Variants in TKFC observed in about 807,000 individuals in gnomAD.
TKFC encodes the protein triokinase and FMN cyclase.
Under a neutral mutation model 61.0 loss-of-function variants are expected in TKFC, and 46 were observed. The ratio of observed to expected loss-of-function variants is 0.75; its 90% CI spans 0.60 to 0.96. The LOEUF is 0.96. TKFC is among the 50% of genes least tolerant of loss of function. The probability of loss-of-function intolerance (pLI) is 0.00; values close to 1 mark genes in which losing one functional copy is unlikely to be tolerated. For synonymous variants in TKFC, 314 were observed against 330.1 expected (o/e 0.95, Z 0.53); for missense variants, 715 against 777.5 (o/e 0.92, Z 0.96).
In TKFC at chr11:61,347,538, CAAAAAAAAA is replaced by C. The variant is rs10594002; in HGVS notation, c.*1049_*1057del. Reference sequence around the variant, plus strand: ...TGGGCAACAAAGCGAGACCCTGTCTCAAAAAAAAAAAAAAAAAAAAAAGAAACTGCAGCC... The same window carrying C: ...TGGGCAACAAAGCGAGACCCTGTCTCAAAAAAAAAAAAAGAAACTGCAGCC... On this transcript the variant is annotated 3_prime_UTR_variant, in exon 18 of 18. Coordinates refer to ENST00000394900, the MANE Select transcript of TKFC (RefSeq NM_015533.4). 9.3e-3 allele frequency: 6,757 copies of C among 724,596 alleles called. No individual in the cohort carries two copies. Among genetic ancestry groups the C allele is most frequent in the Non-Finnish European group, 0.011 (6,278 of 596,332 alleles). 44.9% of individuals were successfully genotyped at this position (724,596 alleles called of 1,614,324 possible). A position where few individuals can be genotyped will look rare whatever the true frequency, so the allele number is the denominator to read the frequency against.
chr11:61,352,694 C>T (rs1042519251), downstream of TKFC: 2 of 751,660 alleles, frequency 2.7e-6, no homozygotes, highest in African/African-American at 3.7e-5. Flanking sequence ...GCAATGACAA[C>T]AATACCAATC....
chr11:61,343,165 G>T, intron 10 of TKFC, 177 bp from the exon 11 acceptor site: 2 of 643,508 alleles, frequency 3.1e-6, no homozygotes, highest in Non-Finnish European at 5.4e-6. Flanking sequence ...CGACGTAGGG[G>T]ACACCTCCAG....
chr11:61,339,535 A>C, intron 5 of TKFC, 100 bp downstream of exon 5: 1 of 1,349,918 alleles, frequency 7.4e-7, no homozygotes, highest in East Asian at 2.4e-5. Flanking sequence ...TTCCCCAAGA[A>C]GCTAGTTCTT....
Position 61,344,127 on chromosome 11 carries a change from C to T in TKFC, c.1103-9C>T, listed in dbSNP as rs757190558. The T allele has an allele frequency of 6.2e-7, 1 of 1,611,860 alleles. No individual in the cohort carries two copies. The highest frequency in any genetic ancestry group is 8.5e-7 in the Non-Finnish European group (1 of 1,179,886). On this transcript the variant is annotated splice_polypyrimidine_tract_variant and intron_variant, in intron 12 of 17. Transcript: ENST00000394900. ...GGTGGGCCTGTTCTTCAGCATCCTC[C>T]CTTTCTAGGCTCAGCCTCGAAGCGG...
intron 2 of TKFC, among the ~76,000 whole-genome samples, chr11:61,337,318 A>G (rs1856649347): frequency 6.6e-6 from 1 of 151,966 alleles, no homozygotes. Flanking sequence ...ATCATTTTTC[A>G]TATTTTTTGT....
chr11:61,348,076 C>T lies in TKFC; in HGVS notation c.*1573C>T. The T allele has an allele frequency of 1.0e-6, 1 of 985,444 alleles. No individual in the cohort carries two copies. Among genetic ancestry groups the T allele is most frequent in the Non-Finnish European group, 1.2e-6 (1 of 829,942 alleles). 61.0% of individuals were successfully genotyped at this position (985,444 alleles called of 1,614,324 possible). On this transcript the variant is annotated 3_prime_UTR_variant, in exon 18 of 18. Transcript: ENST00000394900. ...CCCAGGGTCCTGTCTGTCGGCTGCA[C>T]CATACGTCCCTGACCACAAGGCATC...
chr11:61,342,752 C>G lies in TKFC; in HGVS notation c.776-3C>G, dbSNP rs769172084. 2 of 1,614,052 alleles carry G rather than the reference C, an allele frequency of 1.2e-6. No individual in the cohort carries two copies. Among genetic ancestry groups the G allele is most frequent in the Non-Finnish European group, 1.7e-6 (2 of 1,180,026 alleles). On this transcript the variant is annotated splice_region_variant and splice_polypyrimidine_tract_variant and intron_variant, in intron 9 of 17. Transcript: ENST00000394900. ...TCACCTGGGGTGTCATGTCTACCCG[C>G]AGGCTCCTCAGTTGTGATGATGGTC...
chr11:61,342,267 A>T (rs866179283), intron 7 of TKFC, 194 bp from the exon 8 acceptor site: 2 of 706,994 alleles, frequency 2.8e-6, no homozygotes, highest in Non-Finnish European at 4.9e-6. Context: ...AACTATCTCT[A>T]GTTAAAGCTA....
Position 61,346,226 on chromosome 11 carries a change from G to A in TKFC, c.1576-125G>A. 1 of 1,551,868 alleles carries A rather than the reference G, an allele frequency of 6.4e-7. No individual in the cohort carries two copies. Among genetic ancestry groups the A allele is most frequent in the Non-Finnish European group, 8.7e-7 (1 of 1,155,520 alleles). The stretch of plus-strand genomic sequence containing the variant: ...TTTCCATTTGGTGACAGAGCAGAGG[G>A]TGCTGGCAGAGCCAGGGCAAGGGCG... On this transcript the variant is annotated intron_variant, in intron 17 of 17. Coordinates refer to ENST00000394900, the MANE Select transcript of TKFC (RefSeq NM_015533.4). The surrounding 1 kb of genome is among the most constrained non-coding windows in gnomAD (Gnocchi z 4.1).
downstream of TKFC, chr11:61,351,277 A>G: frequency 1.6e-6 from 1 of 607,766 alleles, no homozygotes; most frequent in Non-Finnish European, 2.3e-6. Context: ...GAATTTTAAC[A>G]CCCTTTCTTT....
Position 61,346,734 on chromosome 11 carries a change from G to A in TKFC, c.*231G>A. 1 of 1,313,446 alleles carries A rather than the reference G, an allele frequency of 7.6e-7. No homozygotes were observed. The highest frequency in any genetic ancestry group is 1.5e-5 in the African/African-American group (1 of 67,676). The allele number at this position is 1,313,446 out of a possible 1,614,324, so 81.4% of individuals were successfully genotyped here. Reference sequence around the variant, plus strand: ...CAGCATGCCCTTTCCCTTTGCAGGAGGGTGGAGTCCCTGGGTCATGCCCTC... The same window carrying A: ...CAGCATGCCCTTTCCCTTTGCAGGAAGGTGGAGTCCCTGGGTCATGCCCTC... On this transcript the variant is annotated 3_prime_UTR_variant, in exon 18 of 18. Transcript: ENST00000394900. The surrounding 1 kb of genome is among the most constrained non-coding windows in gnomAD (Gnocchi z 4.1).
downstream of TKFC, chr11:61,352,785 C>G: frequency 7.0e-7 from 1 of 1,432,282 alleles, no homozygotes; most frequent in South Asian, 1.5e-5. Flanking sequence ...GGTGCTAAAT[C>G]AAACTGATGC....
downstream of TKFC, chr11:61,350,300 C>T (rs1012087347): frequency 2.4e-5 from 35 of 1,473,132 alleles, no homozygotes; most frequent in African/African-American, 2.0e-4. Flanking sequence ...GGAAGAAAGT[C>T]GCCTGCTGAA....
At chr11:61,345,014 C>T (rs1463047278) in intron 13 of TKFC, among the ~76,000 whole-genome samples, 1 of 152,188 alleles carries the variant, frequency 6.6e-6, no homozygotes. Context: ...GAGAAAAAAA[C>T]CAAGCCAGGG....
chr11:61,346,791 A>G lies in TKFC; in HGVS notation c.*288A>G. 1 of 1,184,930 alleles carries G rather than the reference A, an allele frequency of 8.4e-7. No homozygotes were observed. The highest frequency in any genetic ancestry group is 1.0e-6 in the Non-Finnish European group (1 of 955,960). 73.4% of individuals were successfully genotyped at this position (1,184,930 alleles called of 1,614,324 possible). On this transcript the variant is annotated 3_prime_UTR_variant, in exon 18 of 18. Coordinates refer to ENST00000394900, the MANE Select transcript of TKFC (RefSeq NM_015533.4). This position sits in a 1 kb window ranked among gnomAD's most constrained non-coding sequence, Gnocchi z 4.1. The stretch of plus-strand genomic sequence containing the variant: ...CAGCTCTGGGCTTCAGAGATAAGGC[A>G]TTTTCCTTGTGCAGCCTTTACCTGG...
In TKFC at chr11:61,343,933, C is replaced by A; in HGVS notation, c.1060C>A (p.Pro354Thr). 6.2e-7 allele frequency: 1 copy of A among 1,611,532 alleles called. No homozygotes were observed. Residue 354 changes from proline (P) to threonine (T), a missense_variant, in exon 12 of 18, where the codon CCT (proline) becomes ACT (threonine). Pro to Thr is a conservative substitution (Grantham distance 38). Coordinates refer to ENST00000394900, the MANE Select transcript of TKFC (RefSeq NM_015533.4). ...TGGGCGGAAGCGGAGCCGGGTAGCC[C>A]CTGCCGAGCCCCAGGAGGCCCCTGA... ...ITGRKRSRVA[P>T]AEPQEAPDST...
chr11:61,348,305 A>G lies in TKFC; in HGVS notation c.*1802A>G. The G allele has an allele frequency of 1.0e-6, 1 of 984,310 alleles. No individual in the cohort carries two copies. The highest frequency in any genetic ancestry group is 1.2e-6 in the Non-Finnish European group (1 of 829,684). 61.0% of individuals were successfully genotyped at this position (984,310 alleles called of 1,614,324 possible). A position where few individuals can be genotyped will look rare whatever the true frequency, so the allele number is the denominator to read the frequency against. ...GCCATTAGCTATTAAGGACACGCAC[A>G]TAAATGAGCTGCATGTGAATCCACA... On this transcript the variant is annotated 3_prime_UTR_variant, in exon 18 of 18. Transcript: ENST00000394900.
intron 9 of TKFC, 31 bp from the exon 10 acceptor site, chr11:61,342,724 G>T (rs777495707): frequency 1.9e-6 from 3 of 1,613,838 alleles, no homozygotes; most frequent in African/African-American, 1.3e-5. Context: ...CGCCCAGAGG[G>T]TCTCACCTGG....
intron 13 of TKFC, among the ~76,000 whole-genome samples, chr11:61,344,743 A>G (rs1857034282): frequency 6.6e-6 from 1 of 152,268 alleles, no homozygotes; most frequent in African/African-American, 2.4e-5. Context: ...TGAATAACTT[A>G]CAACTCAAGG....
Sources: gnomAD v4.1 joint callset for allele counts (sites outside exome capture counted in the v4.1 genomes callset) on GRCh38, gnomAD v4.1.1 for gene constraint, Gnocchi (gnomAD v3.1) non-coding constraint, MANE v1.5 for transcripts, NCBI Gene and HGNC (gene_info 2026-07-23, HGNC 2026-07-21) for gene names.